Variants in ZNF221 observed in about 807,000 individuals in gnomAD.
ZNF221 encodes zinc finger protein 221.
ZNF221 carries 10 observed loss-of-function variants against 12.6 expected under a neutral mutation model. The ratio of observed to expected loss-of-function variants is 0.79; its 90% CI spans 0.49 to 1.34. The LOEUF is 1.34. Among genes scored for constraint, ZNF221 ranks in the 40% most tolerant of loss-of-function variants. The pLI is 0.00. For missense variants in ZNF221, 661 were observed against 721.4 expected, an observed-to-expected ratio of 0.92 and a Z score of 0.96; for synonymous variants, 232 against 244.0, an observed-to-expected ratio of 0.95 and a Z score of 0.46.
Position 43,966,285 on chromosome 19 carries a change from A to G in ZNF221, c.783A>G (p.Lys261=), listed in dbSNP as rs770142070. The change falls in exon 5 of 5, where the codon AAA becomes AAG. Residue 261 remains lysine (K), a synonymous_variant. Transcript: ENST00000587682. ...EKPFKCGQCG[K]GFHSRSALNV... is the part of the protein sequence containing the mutation. ...CATTCAAATGTGGGCAATGTGGGAA[A>G]GGCTTCCATAGTAGATCAGCACTTA... 2.5e-6 allele frequency: 4 copies of G among 1,613,346 alleles called. No homozygotes were observed. In the Admixed American group the frequency reaches 5.0e-5, roughly 20 times the overall value.
At chr19:43,978,252 G>A in the ZNF221 span, 1 of 152,272 alleles carries the variant, frequency 6.6e-6, no homozygotes, top group East Asian at 1.9e-4. Context: ...ATTATGGAAA[G>A]GTGGTAACTC....
Position 43,967,361 on chromosome 19 carries a change from G to A in ZNF221, c.*5G>A. ...TGTGGGAGAAAAGCCATATAAATGT[G>A]AGAAGTGTGGGAAGGGCTTTGGCTG... On this transcript the variant is annotated 3_prime_UTR_variant, in exon 5 of 5. Coordinates refer to ENST00000587682, the MANE Select transcript of ZNF221 (RefSeq NM_001297588.2). The A allele has an allele frequency of 1.2e-6, 2 of 1,600,962 alleles. No homozygotes were observed. Among genetic ancestry groups the A allele is most frequent in the Non-Finnish European group, 1.7e-6 (2 of 1,172,490 alleles).
chr19:43,966,820 C>T lies in ZNF221; in HGVS notation c.1318C>T (p.His440Tyr), dbSNP rs267605529. ...GFYTNSRRSS[H>Y]QRSHNGEKPY... Reference sequence around the variant, plus strand: ...TTATACAAATTCACGACGATCTTCCCATCAGAGATCCCACAATGGAGAAAA... The same window carrying T: ...TTATACAAATTCACGACGATCTTCCTATCAGAGATCCCACAATGGAGAAAA... Residue 440 changes from histidine (H) to tyrosine (Y), a missense_variant, in exon 5 of 5, where the codon CAT (histidine) becomes TAT (tyrosine). Transcript: ENST00000587682. The T allele has an allele frequency of 1.2e-6, 2 of 1,614,200 alleles. No homozygotes were observed. Among genetic ancestry groups the T allele is most frequent in the Non-Finnish European group, 1.7e-6 (2 of 1,180,036 alleles).
At chr19:43,970,534 G>C (rs1975075068), downstream of ZNF221, among the ~76,000 whole-genome samples, 1 of 152,148 alleles carries the variant, frequency 6.6e-6, no homozygotes, top group South Asian at 2.1e-4. Context: ...CAATACAGGA[G>C]CTGATGACCA....
In ZNF221 at chr19:43,964,038, A is replaced by C. The variant is rs191987076; in HGVS notation, c.82-912A>C. Among the ~76,000 whole-genome samples, 3 of 152,288 alleles carry C rather than the reference A, an allele frequency of 2.0e-5. No homozygotes were observed. The East Asian group carries it at 5.8e-4, about 29-fold the overall frequency. ...AATCAGGAGAATAAAGTCTATATAA[A>C]ATTATTTTCTTTACAGGATTGATAA... On this transcript the variant is annotated intron_variant, in intron 2 of 4. Transcript: ENST00000587682.
chr19:43,976,074 T>C, the ZNF221 span, among the ~76,000 whole-genome samples: 1 of 152,108 alleles, frequency 6.6e-6, no homozygotes, highest in Non-Finnish European at 1.5e-5. Context: ...AAAATTATTT[T>C]TAAGGAATAG....
chr19:43,967,404 C>T lies in ZNF221; in HGVS notation c.*48C>T, dbSNP rs765137241. The T allele has an allele frequency of 7.2e-7, 1 of 1,385,894 alleles. No individual in the cohort carries two copies. Among genetic ancestry groups the T allele is most frequent in the Admixed American group, 2.0e-5 (1 of 50,878 alleles). 85.8% of individuals were successfully genotyped at this position (1,385,894 alleles called of 1,614,324 possible). A position where few individuals can be genotyped will look rare whatever the true frequency, so the allele number is the denominator to read the frequency against. Reference sequence around the variant, plus strand: ...TTTGGCTGGGCCTCAACTCATCTGACCCATCAATTCTCCACAGCAGAGAAA... The same window carrying T: ...TTTGGCTGGGCCTCAACTCATCTGATCCATCAATTCTCCACAGCAGAGAAA... On this transcript the variant is annotated 3_prime_UTR_variant, in exon 5 of 5. Coordinates refer to ENST00000587682, the MANE Select transcript of ZNF221 (RefSeq NM_001297588.2).
chr19:43,961,677 T>G lies in ZNF221; in HGVS notation c.-2-1048T>G, dbSNP rs1408828881. On this transcript the variant is annotated intron_variant, in intron 1 of 4. Transcript: ENST00000587682. Reference sequence around the variant, plus strand: ...CAGTCCAAAGTCCAATTTTATGTACTGCTTTTAGGTGTCACATTTCTGTAG... The same window carrying G: ...CAGTCCAAAGTCCAATTTTATGTACGGCTTTTAGGTGTCACATTTCTGTAG... 2.6e-5 allele frequency: 4 copies of G among 152,234 alleles called. No homozygotes were observed. In the East Asian group the frequency reaches 7.7e-4, roughly 29 times the overall value. 9.4% of individuals were successfully genotyped at this position (152,234 alleles called of 1,614,324 possible). A position where few individuals can be genotyped will look rare whatever the true frequency, so the allele number is the denominator to read the frequency against.
the ZNF221 span, among the ~76,000 whole-genome samples, chr19:43,980,396 G>T: frequency 6.6e-6 from 1 of 152,198 alleles, no homozygotes; most frequent in African/African-American, 2.4e-5. Flanking sequence ...GTATTAGGAT[G>T]GACGCTGGTA....
the ZNF221 span, among the ~76,000 whole-genome samples, chr19:43,980,701 A>T: frequency 6.6e-6 from 1 of 152,230 alleles, no homozygotes; most frequent in Non-Finnish European, 1.5e-5. Context: ...TTCTGGGTGT[A>T]GGGCAAGTAG....
chr19:43,959,238 C>T (rs1176037142), intron 1 of ZNF221, among the ~76,000 whole-genome samples: 2 of 152,202 alleles, frequency 1.3e-5, no homozygotes, highest in African/African-American at 4.8e-5. Context: ...ACTGTAGTTT[C>T]AGTTTCTTGG....
chr19:43,970,002 G>C (rs1975062485), downstream of ZNF221, among the ~76,000 whole-genome samples: 1 of 152,174 alleles, frequency 6.6e-6, no homozygotes. Flanking sequence ...CCTCCTACAG[G>C]AGTCTTCAGG....
intron 1 of ZNF221, among the ~76,000 whole-genome samples, chr19:43,961,329 G>A (rs1479718099): frequency 6.6e-6 from 1 of 151,958 alleles, no homozygotes; most frequent in Non-Finnish European, 1.5e-5. Flanking sequence ...AATACCACTG[G>A]GAACAAACTT....
At chr19:43,963,521 T>C (rs560648362) in intron 2 of ZNF221, among the ~76,000 whole-genome samples, 2 of 152,300 alleles carry the variant, frequency 1.3e-5, no homozygotes, top group Admixed American at 6.5e-5. Flanking sequence ...ATACCTTGTA[T>C]GCATGTTATT....
At chr19:43,957,000 A>G (rs1455321710) in intron 1 of ZNF221, among the ~76,000 whole-genome samples, 2 of 152,180 alleles carry the variant, frequency 1.3e-5, no homozygotes, top group African/African-American at 4.8e-5. Flanking sequence ...GAAGTGAGGA[A>G]CAGAAACAGC....
In ZNF221 at chr19:43,965,042, G is replaced by A; in HGVS notation, c.174G>A (p.Val58=). ...DPAQRKLYRD[V]MLENFRNLLS... ...CCCAGAGGAAGCTGTACCGAGATGT[G>A]ATGCTAGAGAACTTCAGGAACCTGC... is the stretch of plus-strand genomic sequence containing the variant. Residue 58 remains valine (V), a synonymous_variant, in exon 3 of 5, where the codon GTG becomes GTA. Transcript: ENST00000587682. 13 of 1,614,190 alleles carry A rather than the reference G, an allele frequency of 8.1e-6. No homozygotes were observed. Among genetic ancestry groups the A allele is most frequent in the Non-Finnish European group, 1.1e-5 (13 of 1,180,016 alleles).
In ZNF221 at chr19:43,965,064, C is replaced by T; in HGVS notation, c.196C>T (p.Leu66=). The T allele has an allele frequency of 6.2e-7, 1 of 1,614,156 alleles. No individual in the cohort carries two copies. The highest frequency in any genetic ancestry group is 1.6e-4 in the Middle Eastern group (1 of 6,062). ...TGTGATGCTAGAGAACTTCAGGAAC[C>T]TGCTCTCAGTAGGTGAGGACAGGCA... ...RDVMLENFRN[L]LSVGNQPFHQ... The change falls in exon 3 of 5, where the codon CTG becomes TTG. Residue 66 remains leucine (L), a synonymous_variant. Coordinates refer to ENST00000587682, the MANE Select transcript of ZNF221 (RefSeq NM_001297588.2).
intron 1 of ZNF221, among the ~76,000 whole-genome samples, chr19:43,952,352 T>C (rs1974686660): frequency 6.6e-6 from 1 of 152,228 alleles, no homozygotes; most frequent in African/African-American, 2.4e-5. Context: ...CCTTGACTAC[T>C]GACAACAAAG....
At chr19:43,968,146 A>C (rs1975017410), downstream of ZNF221, 1 of 152,302 alleles carries the variant, frequency 6.6e-6, no homozygotes, top group South Asian at 2.1e-4. Flanking sequence ...CTGATGATAC[A>C]TTTCATACAG....
Sources: gnomAD v4.1 joint callset for allele counts (sites outside exome capture counted in the v4.1 genomes callset) on GRCh38, gnomAD v4.1.1 for gene constraint, MANE v1.5 for transcripts, NCBI Gene and HGNC (gene_info 2026-07-23, HGNC 2026-07-21) for gene names.